KIT: variants seen among roughly 807,000 people sequenced by gnomAD.
KIT encodes the protein KIT proto-oncogene, receptor tyrosine kinase.
A neutral mutation model predicts 105.7 loss-of-function variants in KIT; 16 were observed. The observed-to-expected ratio is 0.15, with a 90% CI of 0.10 to 0.23. KIT has a LOEUF of 0.23. Ranked by LOEUF, KIT falls within the 10% of genes least tolerant of loss-of-function variation. The pLI is 1.00. For synonymous variants in KIT, 438 were observed against 441.1 expected, an observed-to-expected ratio of 0.99 and a Z score of 0.09; for missense variants, 858 against 1,213.8, an observed-to-expected ratio of 0.71 and a Z score of 4.36.
Position 54,722,703 on chromosome 4 carries a change from A to G in KIT, c.1232-881A>G, listed in dbSNP as rs1577987081. ...GCATCTTCCTTTCACTTTGTAAATA[A>G]CTTCAAAAATTAGAAATTCTTGAGT... On this transcript the variant is annotated intron_variant, in intron 7 of 20. Coordinates refer to ENST00000288135, the MANE Select transcript of KIT (RefSeq NM_000222.3). Among the ~76,000 whole-genome samples the G allele has an allele frequency of 2.0e-5, 3 of 152,002 alleles. No homozygotes were observed. In the East Asian group the frequency reaches 5.8e-4, roughly 29 times the overall value.
chr4:54,696,418 G>C (rs1720070865), intron 2 of KIT, among the ~76,000 whole-genome samples: 1 of 152,076 alleles, frequency 6.6e-6, no homozygotes, highest in African/African-American at 2.4e-5. Context: ...TGCTGGGCAG[G>C]GGTGTATCTT....
intron 12 of KIT, 25 bp from the exon 13 acceptor site, chr4:54,727,986 C>T (rs1341902443): frequency 3.7e-6 from 6 of 1,612,322 alleles, no homozygotes; most frequent in Non-Finnish European, 5.1e-6. Context: ...GTGCTTTTTG[C>T]TAAAATGCAT....
intron 7 of KIT, among the ~76,000 whole-genome samples, chr4:54,716,742 A>C (rs1415323593): frequency 6.6e-6 from 1 of 152,166 alleles, no homozygotes; most frequent in South Asian, 2.1e-4. Context: ...CTGTCAGATG[A>C]TTATTTAAAG....
chr4:54,732,222 G>C (rs1722657123), intron 16 of KIT, among the ~76,000 whole-genome samples: 1 of 151,948 alleles, frequency 6.6e-6, no homozygotes, highest in African/African-American at 2.4e-5. Flanking sequence ...GTACAAGCCT[G>C]TCTAAATGAG....
intron 17 of KIT, among the ~76,000 whole-genome samples, chr4:54,733,822 A>G (rs1722750420): frequency 6.6e-6 from 1 of 152,318 alleles, no homozygotes; most frequent in Non-Finnish European, 1.5e-5. Context: ...CTGAGGTGAC[A>G]CAGGACAATA....
rs200783907 is a variant in KIT at position 54,725,895 on chromosome 4, T to C, written c.1385T>C (p.Leu462Pro). The C allele has an allele frequency of 1.2e-6, 2 of 1,614,178 alleles. No individual in the cohort carries two copies. Among genetic ancestry groups the C allele is most frequent in the East Asian group, 4.5e-5 (2 of 44,882 alleles). The change falls in exon 9 of 21, where the codon CTA becomes CCA. Residue 462 changes from leucine to proline, a missense_variant. Transcript: ENST00000288135. ...GTACTGCCAGTGGATGTGCAGACAC[T>C]AAACTCATCTGGGCCACCGTTTGGA... ...ASVLPVDVQT[L>P]NSSGPPFGKL...
chr4:54,677,211 T>C (rs1718540594), intron 1 of KIT, among the ~76,000 whole-genome samples: 2 of 152,038 alleles, frequency 1.3e-5, no homozygotes, highest in Admixed American at 1.3e-4. Flanking sequence ...ACATTTTGAT[T>C]GAGGTGTCAC....
chr4:54,714,869 T>C (rs1490014026), intron 7 of KIT, among the ~76,000 whole-genome samples: 4 of 152,190 alleles, frequency 2.6e-5, no homozygotes, highest in Non-Finnish European at 5.9e-5. Flanking sequence ...CATTGAGAAC[T>C]GAAGGGCTCC....
chr4:54,662,064 C>A (rs963664760), intron 1 of KIT, among the ~76,000 whole-genome samples: 4 of 152,136 alleles, frequency 2.6e-5, no homozygotes, highest in African/African-American at 4.8e-5. Flanking sequence ...AAATCAAGAT[C>A]TCTATTTCTG....
chr4:54,722,957 T>C (rs1003881330), intron 7 of KIT, among the ~76,000 whole-genome samples: 1 of 150,838 alleles, frequency 6.6e-6, no homozygotes. Flanking sequence ...TCTTTTCTAG[T>C]TTTCTGTTCA....
At chr4:54,709,741 C>T (rs1361134402) in intron 7 of KIT, among the ~76,000 whole-genome samples, 1 of 152,142 alleles carries the variant, frequency 6.6e-6, no homozygotes, top group Non-Finnish European at 1.5e-5. Flanking sequence ...GATCACATGA[C>T]CTTGTAGAAG....
chr4:54,658,412 G>C (rs889845032), intron 1 of KIT, among the ~76,000 whole-genome samples: 1 of 152,116 alleles, frequency 6.6e-6, no homozygotes, highest in East Asian at 1.9e-4. Context: ...CGCGGGGGGC[G>C]GAGGCGGGGG....
intron 1 of KIT, among the ~76,000 whole-genome samples, chr4:54,685,114 T>C (rs1719218238): frequency 6.6e-6 from 1 of 152,178 alleles, no homozygotes; most frequent in Non-Finnish European, 1.5e-5. Flanking sequence ...GGAGTCATTG[T>C]CATCTCTATC....
At chr4:54,711,522 A>G (rs1372645010) in intron 7 of KIT, among the ~76,000 whole-genome samples, 1 of 152,228 alleles carries the variant, frequency 6.6e-6, no homozygotes, top group African/African-American at 2.4e-5. Flanking sequence ...TTCAAGGGAA[A>G]CATTAATTAT....
chr4:54,702,098 A>G (rs746220388), intron 4 of KIT, among the ~76,000 whole-genome samples: 2 of 152,210 alleles, frequency 1.3e-5, no homozygotes, highest in African/African-American at 4.8e-5. Flanking sequence ...AGTTTGAAAC[A>G]TTCAGCTTCA....
In KIT at chr4:54,664,442, G is replaced by T. The variant is rs928802494; in HGVS notation, c.67+6361G>T. Reference sequence around the variant, plus strand: ...AGGCTTTGCATACTAGTCCAGGGCTGCCTGTTCCACCATTCTGTCCAATTA... The same window carrying T: ...AGGCTTTGCATACTAGTCCAGGGCTTCCTGTTCCACCATTCTGTCCAATTA... On this transcript the variant is annotated intron_variant, in intron 1 of 20. Transcript: ENST00000288135. 2.0e-5 allele frequency among the ~76,000 whole-genome samples: 3 copies of T among 152,098 alleles called. No individual in the cohort carries two copies. The South Asian group carries it at 6.2e-4, about 32-fold the overall frequency.
intron 1 of KIT, among the ~76,000 whole-genome samples, chr4:54,669,613 A>G (rs1029039474): frequency 4.6e-5 from 7 of 152,100 alleles, no homozygotes; most frequent in African/African-American, 1.4e-4. Flanking sequence ...TAGTGAACAT[A>G]CCAGGCAAAA....
At position 54,729,185 on chromosome 4, in the gene KIT, T is replaced by C. The variant is rs17084700; in HGVS notation, c.1991-150T>C. On this transcript the variant is annotated intron_variant, in intron 13 of 20. Coordinates refer to ENST00000288135, the MANE Select transcript of KIT (RefSeq NM_000222.3). Reference sequence around the variant, plus strand: ...ATAAGGCTGCTTTTTTGATAAGCAGTGTTAATATATGGGATTGTATTGGGA... The same window carrying C: ...ATAAGGCTGCTTTTTTGATAAGCAGCGTTAATATATGGGATTGTATTGGGA... 0.018 allele frequency: 14,055 copies of C among 763,274 alleles called. 1,351 individuals are homozygous for C. The African/African-American group carries it at 0.21, about 12-fold the overall frequency. The allele number at this position is 763,274 out of a possible 1,614,324, so 47.3% of individuals were successfully genotyped here.
intron 1 of KIT, among the ~76,000 whole-genome samples, chr4:54,683,299 A>G (rs779429909): frequency 7.2e-5 from 11 of 152,238 alleles, no homozygotes; most frequent in Non-Finnish European, 1.6e-4. Flanking sequence ...CTACCAGTAT[A>G]TATTTTCCCC....
Sources: gnomAD v4.1 joint callset for allele counts (sites outside exome capture counted in the v4.1 genomes callset) on GRCh38, gnomAD v4.1.1 for gene constraint, MANE v1.5 for transcripts, NCBI Gene and HGNC (gene_info 2026-07-23, HGNC 2026-07-21) for gene names.